Variants in SLC35A3 observed in about 807,000 individuals in gnomAD.
The protein encoded by SLC35A3 is UDP-N-acetylglucosamine transporter.
Under a neutral mutation model 39.0 loss-of-function variants are expected in SLC35A3, and 26 were observed. That is an observed-to-expected ratio of 0.67 (90% CI 0.49 to 0.92). The LOEUF is 0.92. SLC35A3 is among the 40% of genes least tolerant of loss of function. The pLI is 0.00. For missense variants in SLC35A3, 299 were observed against 371.6 expected (o/e 0.80, Z 1.61); for synonymous variants, 135 against 133.1 (o/e 1.01, Z -0.10).
rs1202911184 is a variant in SLC35A3, at chr1:100,035,364, C to A, written c.*12888C>A. ...TTCACAACCCAAATCACATACAAAG[C>A]GACAAGTTCATACACAATAGGCCTA... On this transcript the variant is annotated 3_prime_UTR_variant, in exon 8 of 8. Transcript: ENST00000533028. The A allele has an allele frequency of 6.6e-6, 1 of 152,142 alleles. No homozygotes were observed. The highest frequency in any genetic ancestry group is 2.4e-5 in the African/African-American group (1 of 41,420). The allele number at this position is 152,142 out of a possible 1,614,324, so 9.4% of individuals were successfully genotyped here.
chr1:100,005,399 C>T (rs11805704), intron 3 of SLC35A3, among the ~76,000 whole-genome samples: 7,071 of 152,286 alleles, frequency 0.046, 191 homozygotes, highest in African/African-American at 0.068. Context: ...TTTTTCCCCA[C>T]AACTAACATA....
rs71970416 is a variant in SLC35A3 at position 99,997,410 on chromosome 1, TTA to T, written c.188-1805_188-1804del. Among the ~76,000 whole-genome samples the T allele has an allele frequency of 1.0e-2, 912 of 91,288 alleles. 8 individuals are homozygous for T. Among genetic ancestry groups the T allele is most frequent in the South Asian group, 0.011 (23 of 2,002 alleles). The allele number at this position is 91,288 out of a possible 152,430, so 59.9% of individuals were successfully genotyped here. On this transcript the variant is annotated intron_variant, in intron 2 of 7. Transcript: ENST00000533028. ...ACAGTTATATGTTTTATATATAGTTTTATATATATATATATATATATATATAT... is the reference window on the plus strand; with the variant it reads ...ACAGTTATATGTTTTATATATAGTTTTATATATATATATATATATATATAT...
intron 5 of SLC35A3, 124 bp from the exon 6 acceptor site, chr1:100,015,174 AAAAG>A (rs1557844283): frequency 7.1e-6 from 7 of 989,268 alleles, no homozygotes; most frequent in South Asian, 4.9e-5. Flanking sequence ...AAAAAAAAAA[AAAAG>A]AAAGTAATCT....
intron 1 of SLC35A3, among the ~76,000 whole-genome samples, chr1:99,992,314 A>C (rs927499736): frequency 1.3e-5 from 2 of 152,116 alleles, no homozygotes; most frequent in African/African-American, 4.8e-5. Context: ...ATCATGATGA[A>C]ATGTCCTTCT....
chr1:99,989,207 T>C (rs1381594050), intron 1 of SLC35A3, among the ~76,000 whole-genome samples: 2 of 152,246 alleles, frequency 1.3e-5, no homozygotes, highest in African/African-American at 2.4e-5. Flanking sequence ...TCTTAATTTG[T>C]ATTTCCCTAA....
intron 7 of SLC35A3, 169 bp downstream of exon 7, chr1:100,017,984 T>C: frequency 2.5e-6 from 1 of 399,864 alleles, no homozygotes; most frequent in Admixed American, 4.5e-5. Context: ...GAAAGTCTTC[T>C]CCTGAAAAGT....
At chr1:99,986,165 CTTTT>C (rs199503957) in intron 1 of SLC35A3, among the ~76,000 whole-genome samples, 1 of 137,968 alleles carries the variant, frequency 7.2e-6, no homozygotes. Flanking sequence ...ATATATTCTA[CTTTT>C]TTTTTTTTTT....
intron 6 of SLC35A3, among the ~76,000 whole-genome samples, chr1:100,016,638 G>A (rs945581019): frequency 3.3e-5 from 5 of 152,104 alleles, no homozygotes; most frequent in African/African-American, 1.2e-4. Flanking sequence ...CTCCCAAAGT[G>A]CTGGGATTAC....
At chr1:100,021,974 A>G (rs1660579360) in intron 7 of SLC35A3, among the ~76,000 whole-genome samples, 1 of 152,238 alleles carries the variant, frequency 6.6e-6, no homozygotes, top group Admixed American at 6.5e-5. Flanking sequence ...AATGTATTGT[A>G]TACAAAATCC....
rs139242075 is a variant in SLC35A3 at position 99,988,934 on chromosome 1, T to C, written c.-18-4603T>C. Among the ~76,000 whole-genome samples, 105 of 152,088 alleles carry C rather than the reference T, an allele frequency of 6.9e-4. 1 individual carries two copies. Among genetic ancestry groups the C allele is most frequent in the African/African-American group, 2.5e-3 (102 of 41,478 alleles). On this transcript the variant is annotated intron_variant, in intron 1 of 7. Transcript: ENST00000533028. ...TGCATGTAGCACCAAACCCAGCTAA[T>C]TATTTTTGTAGAGACGGGATCTCAA...
intron 1 of SLC35A3, among the ~76,000 whole-genome samples, chr1:99,977,709 T>A (rs1356147755): frequency 6.6e-6 from 1 of 152,166 alleles, no homozygotes; most frequent in African/African-American, 2.4e-5. Context: ...GCTAATTTTT[T>A]AAAGTTTGTT....
At chr1:100,002,924 T>C (rs570680840) in intron 3 of SLC35A3, among the ~76,000 whole-genome samples, 1 of 152,134 alleles carries the variant, frequency 6.6e-6, no homozygotes, top group South Asian at 2.1e-4. Flanking sequence ...TGCCCATCTT[T>C]ATTATTTCTT....
chr1:99,990,573 AAAAT>A (rs924321961), intron 1 of SLC35A3, among the ~76,000 whole-genome samples: 2 of 152,228 alleles, frequency 1.3e-5, no homozygotes, highest in African/African-American at 2.4e-5. Flanking sequence ...TCCGTCTCAA[AAAAT>A]AAATAAATAA....
At chr1:99,996,653 G>A (rs1055053533) in intron 2 of SLC35A3, among the ~76,000 whole-genome samples, 6 of 152,096 alleles carry the variant, frequency 3.9e-5, no homozygotes, top group African/African-American at 1.2e-4. Flanking sequence ...CAGGAGGATT[G>A]CTTAAGCTCA....
rs1447649819 is a variant in SLC35A3 at position 100,026,270 on chromosome 1, A to C, written c.*3794A>C. 2 of 152,168 alleles carry C rather than the reference A, an allele frequency of 1.3e-5. No individual in the cohort carries two copies. The highest frequency in any genetic ancestry group is 2.9e-5 in the Non-Finnish European group (2 of 68,006). 9.4% of individuals were successfully genotyped at this position (152,168 alleles called of 1,614,324 possible). On this transcript the variant is annotated 3_prime_UTR_variant, in exon 8 of 8. Transcript: ENST00000533028. ...ATTTGATTTACACATTCACATTATAATATTTAATTATCATGGGTGTATGCT... is the reference window on the plus strand; with the variant it reads ...ATTTGATTTACACATTCACATTATACTATTTAATTATCATGGGTGTATGCT...
intron 3 of SLC35A3, 40 bp downstream of exon 3, chr1:99,999,455 T>G (rs1209577809): frequency 7.3e-7 from 1 of 1,368,380 alleles, no homozygotes; most frequent in African/African-American, 1.5e-5. Context: ...AAAAAACTTT[T>G]TTCTTATACA....
intron 5 of SLC35A3, among the ~76,000 whole-genome samples, chr1:100,015,080 C>G (rs1240401325): frequency 1.3e-5 from 2 of 149,906 alleles, no homozygotes; most frequent in African/African-American, 2.5e-5. Flanking sequence ...ATTGCTTGAA[C>G]CTGGGAGGTG....
intron 1 of SLC35A3, among the ~76,000 whole-genome samples, chr1:99,990,788 T>C (rs1340393623): frequency 2.0e-5 from 3 of 152,140 alleles, no homozygotes; most frequent in Non-Finnish European, 4.4e-5. Context: ...ATGATGGTAT[T>C]AAGAAGTAGG....
chr1:100,027,855 T>C lies in SLC35A3; in HGVS notation c.*5379T>C, dbSNP rs2101537011. The stretch of plus-strand genomic sequence containing the variant: ...AATAATCTTTTTTGTATTACAGTGC[T>C]TCTTTTGTTGGAAATATATCACAAT... On this transcript the variant is annotated 3_prime_UTR_variant, in exon 8 of 8. Transcript: ENST00000533028. 1 of 152,232 alleles carries C rather than the reference T, an allele frequency of 6.6e-6. No individual in the cohort carries two copies. Among genetic ancestry groups the C allele is most frequent in the Non-Finnish European group, 1.5e-5 (1 of 68,012 alleles). The allele number at this position is 152,232 out of a possible 1,614,324, so 9.4% of individuals were successfully genotyped here.
Sources: gnomAD v4.1 joint callset for allele counts (sites outside exome capture counted in the v4.1 genomes callset) on GRCh38, gnomAD v4.1.1 for gene constraint, MANE v1.5 for transcripts, NCBI Gene and HGNC (gene_info 2026-07-23, HGNC 2026-07-21) for gene names.